Variants in COMMD10 observed in about 807,000 individuals in gnomAD.
The protein encoded by COMMD10 is COMM domain containing 10.
A neutral mutation model predicts 28.9 loss-of-function variants in COMMD10; 33 were observed. The observed-to-expected ratio is 1.14, with a 90% CI of 0.87 to 1.53. The LOEUF (loss-of-function observed/expected upper bound fraction) is 1.53. Among genes scored for constraint, COMMD10 ranks in the 40% most tolerant of loss-of-function variants. The pLI is 0.00. For synonymous variants in COMMD10, 110 were observed against 81.7 expected (o/e 1.35, Z -1.87); for missense variants, 310 against 233.4 (o/e 1.33, Z -2.14).
intron 1 of COMMD10, 144 bp from the exon 2 acceptor site, chr5:116,087,353 T>C (rs1003586108): frequency 6.7e-6 from 4 of 593,682 alleles, no homozygotes; most frequent in Non-Finnish European, 1.2e-5. Context: ...CTGCCTTTTT[T>C]GCTGGCTGTC....
chr5:116,223,526 A>G (rs1749318155), intron 5 of COMMD10, among the ~76,000 whole-genome samples: 1 of 152,198 alleles, frequency 6.6e-6, no homozygotes, highest in Non-Finnish European at 1.5e-5. Context: ...AAATTTTAGA[A>G]GTTCTAAGAA....
chr5:116,147,384 A>T (rs1315631918), intron 5 of COMMD10, among the ~76,000 whole-genome samples: 3 of 151,916 alleles, frequency 2.0e-5, no homozygotes, highest in Non-Finnish European at 2.9e-5. Context: ...GACAGATAGG[A>T]TTAATATAAT....
At chr5:116,174,000 T>C (rs1307598679) in intron 5 of COMMD10, among the ~76,000 whole-genome samples, 1 of 152,060 alleles carries the variant, frequency 6.6e-6, no homozygotes, top group Non-Finnish European at 1.5e-5. Flanking sequence ...AAAGTCCTTC[T>C]CTCTTAGAGC....
intron 4 of COMMD10, among the ~76,000 whole-genome samples, chr5:116,116,318 A>AT (rs932187035): frequency 6.6e-6 from 1 of 152,046 alleles, no homozygotes; most frequent in Admixed American, 6.5e-5. Flanking sequence ...TTGTTTTATT[A>AT]TTTTCTTTAA....
At chr5:116,147,907 C>T (rs1193715473) in intron 5 of COMMD10, among the ~76,000 whole-genome samples, 1 of 151,816 alleles carries the variant, frequency 6.6e-6, no homozygotes, top group African/African-American at 2.4e-5. Flanking sequence ...AACTAGTTGT[C>T]TTTCCCCATA....
chr5:116,245,097 AAAG>A (rs1365682570), intron 5 of COMMD10, among the ~76,000 whole-genome samples: 6 of 151,988 alleles, frequency 3.9e-5, no homozygotes, highest in Non-Finnish European at 5.9e-5. Context: ...CTAGACTAAT[AAAG>A]AAGAAAAGAG....
intron 5 of COMMD10, among the ~76,000 whole-genome samples, chr5:116,172,061 G>A (rs1481824849): frequency 6.6e-6 from 1 of 152,060 alleles, no homozygotes; most frequent in African/African-American, 2.4e-5. Flanking sequence ...TTTGCTTAGT[G>A]GTATGTCCAG....
chr5:116,256,321 T>C (rs997199785), intron 5 of COMMD10, among the ~76,000 whole-genome samples: 2 of 151,734 alleles, frequency 1.3e-5, no homozygotes, highest in Non-Finnish European at 2.9e-5. Flanking sequence ...GTTGAGTATA[T>C]GAAGAATATT....
At chr5:116,167,290 A>G (rs1365802214) in intron 5 of COMMD10, among the ~76,000 whole-genome samples, 2 of 152,034 alleles carry the variant, frequency 1.3e-5, no homozygotes, top group Admixed American at 1.3e-4. Flanking sequence ...AGGCAAGAAT[A>G]GAGAAAAAAG....
chr5:116,226,763 C>T (rs1285338775), intron 5 of COMMD10, among the ~76,000 whole-genome samples: 2 of 152,096 alleles, frequency 1.3e-5, no homozygotes, highest in African/African-American at 2.4e-5. Flanking sequence ...CCATAACCCT[C>T]ACAGGTAACA....
chr5:116,134,217 T>A, intron 5 of COMMD10, 39 bp downstream of exon 5: 5 of 1,195,456 alleles, frequency 4.2e-6, no homozygotes, highest in Non-Finnish European at 6.2e-6. Flanking sequence ...GTATTTTGTT[T>A]GTTAGGACTT....
At chr5:116,265,639 C>T (rs796815139) in intron 5 of COMMD10, among the ~76,000 whole-genome samples, 7 of 151,892 alleles carry the variant, frequency 4.6e-5, no homozygotes, top group African/African-American at 1.5e-4. Flanking sequence ...GGGCTACGTA[C>T]ATGTGGAACA....
chr5:116,185,356 G>A (rs1055701219), intron 5 of COMMD10, among the ~76,000 whole-genome samples: 4 of 152,100 alleles, frequency 2.6e-5, no homozygotes, highest in Non-Finnish European at 5.9e-5. Context: ...CCTACTTCTA[G>A]CAGAGCAGCT....
intron 5 of COMMD10, among the ~76,000 whole-genome samples, chr5:116,260,443 G>A (rs1009461937): frequency 6.6e-6 from 1 of 151,756 alleles, no homozygotes; most frequent in Admixed American, 6.6e-5. Flanking sequence ...GGATTGTTTT[G>A]ACATATTCAG....
chr5:116,101,045 C>T (rs540181367), intron 4 of COMMD10, among the ~76,000 whole-genome samples: 29 of 152,322 alleles, frequency 1.9e-4, no homozygotes, highest in Non-Finnish European at 3.2e-4. Context: ...CCTCCAGTTT[C>T]ATCCAAGTTG....
chr5:116,099,544 A>C (rs1472835857), intron 4 of COMMD10, among the ~76,000 whole-genome samples: 1 of 152,148 alleles, frequency 6.6e-6, no homozygotes, highest in African/African-American at 2.4e-5. Context: ...AGGCTGTACC[A>C]ATTTACATTC....
chr5:116,165,730 A>G (rs1453195529), intron 5 of COMMD10, among the ~76,000 whole-genome samples: 1 of 151,896 alleles, frequency 6.6e-6, no homozygotes, highest in African/African-American at 2.4e-5. Flanking sequence ...TTTCTAATCT[A>G]GTCTTCAGAG....
At position 116,268,075 on chromosome 5, in the gene COMMD10, T is replaced by C. The variant is rs376459672; in HGVS notation, c.511-23442T>C. Reference sequence around the variant, plus strand: ...ATGTCTAAAACACCAAAAGCAATGGTAACAAAAGCCAAAATTGACAAATGG... The same window carrying C: ...ATGTCTAAAACACCAAAAGCAATGGCAACAAAAGCCAAAATTGACAAATGG... On this transcript the variant is annotated intron_variant, in intron 5 of 6. Coordinates refer to ENST00000274458, the MANE Select transcript of COMMD10 (RefSeq NM_016144.4). 7.0e-3 allele frequency among the ~76,000 whole-genome samples: 1,067 copies of C among 151,416 alleles called. 29 individuals are homozygous for C. The highest frequency in any genetic ancestry group is 0.024 in the African/African-American group (997 of 41,044).
intron 5 of COMMD10, among the ~76,000 whole-genome samples, chr5:116,264,068 A>T (rs1323835957): frequency 6.6e-6 from 1 of 151,812 alleles, no homozygotes; most frequent in South Asian, 2.1e-4. Context: ...TGTACCTACT[A>T]TGTAAAATGC....
Sources: allele counts gnomAD v4.1 joint callset (sites outside exome capture counted in the v4.1 genomes callset), GRCh38; gene constraint gnomAD v4.1.1; transcripts MANE v1.5; gene names NCBI Gene and HGNC (gene_info 2026-07-23, HGNC 2026-07-21).